CEMIP: variants seen among roughly 807,000 people sequenced by gnomAD.
CEMIP encodes cell migration-inducing and hyaluronan-binding protein.
Under a neutral mutation model 156.9 loss-of-function variants are expected in CEMIP, and 105 were observed. The ratio of observed to expected loss-of-function variants is 0.67; its 90% CI spans 0.57 to 0.79. CEMIP has a LOEUF of 0.79. Ranked by LOEUF, CEMIP falls within the 30% of genes least tolerant of loss-of-function variation. CEMIP has a pLI of 0.00. For missense variants in CEMIP, 1,457 were observed against 1,769.4 expected (o/e 0.82, Z 3.17); for synonymous variants, 676 against 668.4 (o/e 1.01, Z -0.17).
At chr15:80,887,973 C>G (rs1390422889) in intron 8 of CEMIP, among the ~76,000 whole-genome samples, 2 of 152,194 alleles carry the variant, frequency 1.3e-5, no homozygotes, top group Non-Finnish European at 2.9e-5. Context: ...GTAATATTTC[C>G]CTTTTCATGG....
intron 1 of CEMIP, among the ~76,000 whole-genome samples, chr15:80,787,321 G>A (rs1895965320): frequency 6.6e-6 from 1 of 152,218 alleles, no homozygotes; most frequent in Non-Finnish European, 1.5e-5. Context: ...CTTCACCTCT[G>A]GAAGAACCCT....
chr15:80,781,694 G>A (rs1230997174), intron 1 of CEMIP, among the ~76,000 whole-genome samples: 1 of 152,184 alleles, frequency 6.6e-6, no homozygotes, highest in Non-Finnish European at 1.5e-5. Flanking sequence ...CTGTGACTTT[G>A]GGAAAGTTGC....
At chr15:80,841,224 T>C (rs554649298) in intron 1 of CEMIP, among the ~76,000 whole-genome samples, 4 of 152,274 alleles carry the variant, frequency 2.6e-5, no homozygotes, top group Admixed American at 2.0e-4. Flanking sequence ...TTAAAAAATG[T>C]TTAAAAACAC....
chr15:80,862,050 C>T (rs1897999407), intron 1 of CEMIP, among the ~76,000 whole-genome samples: 1 of 152,212 alleles, frequency 6.6e-6, no homozygotes, highest in Non-Finnish European at 1.5e-5. Flanking sequence ...CTCCTGCGCT[C>T]CCCTTGGCCC....
At chr15:80,878,088 G>T (rs188188305) in intron 3 of CEMIP, among the ~76,000 whole-genome samples, 11 of 152,316 alleles carry the variant, frequency 7.2e-5, no homozygotes, top group Admixed American at 7.2e-4. Flanking sequence ...CAGGGTTCTT[G>T]CAAAATGTCC....
rs116491190 is a variant in CEMIP at position 80,882,029 on chromosome 15, A to T, written c.617+893A>T. ...AGAGGGAAGGACAGAGGTGGGGTAG[A>T]CAAACAGAGACAGAGCTACCCTGGG... On this transcript the variant is annotated intron_variant, in intron 6 of 29. Transcript: ENST00000394685. Among the ~76,000 whole-genome samples, 696 of 152,276 alleles carry T rather than the reference A, an allele frequency of 4.6e-3. 4 individuals are homozygous for T. Among genetic ancestry groups the T allele is most frequent in the African/African-American group, 0.015 (623 of 41,530 alleles).
chr15:80,907,167 G>A (rs1020243494), intron 13 of CEMIP, among the ~76,000 whole-genome samples: 1 of 152,158 alleles, frequency 6.6e-6, no homozygotes, highest in Non-Finnish European at 1.5e-5. Context: ...TTATTGCCCT[G>A]ATCACTTCCT....
chr15:80,934,947 GTA>G, intron 23 of CEMIP, among the ~76,000 whole-genome samples: 1 of 152,342 alleles, frequency 6.6e-6, no homozygotes. Flanking sequence ...AAGAGTTGCT[GTA>G]GAGAGTGGAA....
At chr15:80,879,659 T>C in intron 4 of CEMIP, 57 bp from the exon 5 acceptor site, 1 of 1,611,086 alleles carries the variant, frequency 6.2e-7, no homozygotes, top group Admixed American at 1.7e-5. Flanking sequence ...TTGGCTCTGA[T>C]ATAACCTTAC....
chr15:80,881,772 G>T (rs1898668482), intron 6 of CEMIP, among the ~76,000 whole-genome samples: 1 of 152,184 alleles, frequency 6.6e-6, no homozygotes, highest in South Asian at 2.1e-4. Flanking sequence ...AGTACCTTCT[G>T]GCTGTAGAGA....
rs1899166494 is a variant in CEMIP at position 80,895,035 on chromosome 15, A to C, written c.1132A>C (p.Lys378Gln). Residue 378 changes from lysine (K) to glutamine (Q), a missense_variant, in exon 11 of 30, where the codon AAA becomes CAA. Around this residue, in one of 5 missense-constraint regions of CEMIP, gnomAD observed 280 missense variants for 300.3 expected, o/e 0.93. Coordinates refer to ENST00000394685, the MANE Select transcript of CEMIP (RefSeq NM_001293298.2). ...GVNLSTEVVYKKGQDYRFACY... is the reference protein window; with the variant it reads ...GVNLSTEVVYQKGQDYRFACY... ...TAACCTCAGCACCGAGGTTGTCTACAAAAAAGGCCAGGATTATAGGTTTGC... is the reference window on the plus strand; with the variant it reads ...TAACCTCAGCACCGAGGTTGTCTACCAAAAAGGCCAGGATTATAGGTTTGC... 30 of 1,614,164 alleles carry C rather than the reference A, an allele frequency of 1.9e-5. No homozygotes were observed. Among genetic ancestry groups the C allele is most frequent in the Non-Finnish European group, 2.5e-5 (29 of 1,180,006 alleles).
intron 21 of CEMIP, among the ~76,000 whole-genome samples, chr15:80,929,394 C>A (rs1009679733): frequency 4.6e-5 from 7 of 152,164 alleles, no homozygotes; most frequent in African/African-American, 1.7e-4. Flanking sequence ...AACAGGGTGA[C>A]GTGGCCATCA....
At chr15:80,854,680 C>T (rs1897802919) in intron 1 of CEMIP, among the ~76,000 whole-genome samples, 1 of 152,234 alleles carries the variant, frequency 6.6e-6, no homozygotes, top group South Asian at 2.1e-4. Flanking sequence ...TGAATCCTCT[C>T]GAAACCTCAA....
At chr15:80,894,417 G>A (rs1318257260) in intron 10 of CEMIP, among the ~76,000 whole-genome samples, 1 of 152,154 alleles carries the variant, frequency 6.6e-6, no homozygotes, top group Non-Finnish European at 1.5e-5. Flanking sequence ...GATGAAATGA[G>A]ATAATATAGG....
At position 80,924,660 on chromosome 15, in the gene CEMIP, G is replaced by C; in HGVS notation, c.2242G>C (p.Ala748Pro). 1 of 1,614,172 alleles carries C rather than the reference G, an allele frequency of 6.2e-7. No homozygotes were observed. Among genetic ancestry groups the C allele is most frequent in the Non-Finnish European group, 8.5e-7 (1 of 1,180,034 alleles). Residue 748 changes from alanine to proline, a missense_variant, in exon 18 of 30, where the codon GCC becomes CCC. Coordinates refer to ENST00000394685, the MANE Select transcript of CEMIP (RefSeq NM_001293298.2). ...IIDNGVKTTE[A>P]SAKDKRPFLS... is the part of the protein sequence containing the mutation. ...AGACAACGGAGTCAAAACCACCGAG[G>C]CCTCTGCCAAGGACAAGCGGCCGTT...
intron 1 of CEMIP, among the ~76,000 whole-genome samples, chr15:80,830,530 C>A (rs747761944): frequency 6.6e-6 from 1 of 152,166 alleles, no homozygotes; most frequent in Non-Finnish European, 1.5e-5. Flanking sequence ...ATGGGATCAA[C>A]CTTCCTATCC....
chr15:80,803,787 ACTTTGC>A (rs1896440453), intron 1 of CEMIP, among the ~76,000 whole-genome samples: 1 of 152,230 alleles, frequency 6.6e-6, no homozygotes, highest in African/African-American at 2.4e-5. Context: ...ACAGGTCTCT[ACTTTGC>A]CTCTGACTCA....
Position 80,906,548 on chromosome 15 carries a change from G to C in CEMIP, c.1412-115G>C. The C allele has an allele frequency of 9.8e-7, 1 of 1,023,326 alleles. No individual in the cohort carries two copies. The highest frequency in any genetic ancestry group is 1.5e-5 in the South Asian group (1 of 65,086). 63.4% of individuals were successfully genotyped at this position (1,023,326 alleles called of 1,614,324 possible). A position where few individuals can be genotyped will look rare whatever the true frequency, so the allele number is the denominator to read the frequency against. On this transcript the variant is annotated intron_variant, in intron 12 of 29. Coordinates refer to ENST00000394685, the MANE Select transcript of CEMIP (RefSeq NM_001293298.2). This position sits in a 1 kb window ranked among gnomAD's most constrained non-coding sequence, Gnocchi z 4.3. ...TCCTTCTGTAACATGAGACCACTGT[G>C]CACACCAGGCATGGCGATGAGTAAG...
chr15:80,862,596 A>C (rs1291457875), intron 1 of CEMIP, among the ~76,000 whole-genome samples: 2 of 152,192 alleles, frequency 1.3e-5, no homozygotes, highest in African/African-American at 4.8e-5. Flanking sequence ...CTCCATGCAG[A>C]TAAGATGGGC....
Sources: allele counts gnomAD v4.1 joint callset (sites outside exome capture counted in the v4.1 genomes callset), GRCh38; gene constraint gnomAD v4.1.1; regional missense constraint gnomAD v4.1.1; non-coding constraint Gnocchi (gnomAD v3.1); transcripts MANE v1.5; gene names NCBI Gene and HGNC (gene_info 2026-07-23, HGNC 2026-07-21).